ATOSA: variants seen among roughly 807,000 people sequenced by gnomAD.
ATOSA encodes atos homolog protein A.
At chr15:52,590,118 G>A in the ATOSA span, among the ~76,000 whole-genome samples, 2 of 151,986 alleles carry the variant, frequency 1.3e-5, no homozygotes, top group Non-Finnish European at 2.9e-5. Context: ...TGGAATAGTA[G>A]GGTTAAAATA....
chr15:52,706,844 T>A, the ATOSA span, among the ~76,000 whole-genome samples: 1 of 152,178 alleles, frequency 6.6e-6, no homozygotes, highest in African/African-American at 2.4e-5. Context: ...ATATTCAGAA[T>A]ACGCAAATCT....
At chr15:52,637,041 C>T in the ATOSA span, among the ~76,000 whole-genome samples, 1 of 152,110 alleles carries the variant, frequency 6.6e-6, no homozygotes, top group African/African-American at 2.4e-5. Flanking sequence ...ACTATCCAAC[C>T]ACCTTACTAA....
the ATOSA span, chr15:52,608,721 A>G: frequency 6.2e-7 from 1 of 1,612,432 alleles, no homozygotes; most frequent in South Asian, 1.1e-5. Flanking sequence ...TGAAACCTTC[A>G]TTATCTTTAT....
chr15:52,604,998 CA>C, the ATOSA span: 1 of 620,504 alleles, frequency 1.6e-6, no homozygotes, highest in Non-Finnish European at 2.7e-6. Flanking sequence ...AATGTGTTAT[CA>C]AAAAATAAAA....
chr15:52,598,869 G>C, the ATOSA span, among the ~76,000 whole-genome samples: 5 of 152,080 alleles, frequency 3.3e-5, no homozygotes, highest in African/African-American at 4.8e-5. Context: ...TTCTGTCCTT[G>C]CAACAGTAGG....
At chr15:52,645,628 A>C in the ATOSA span, among the ~76,000 whole-genome samples, 856 of 152,298 alleles carry the variant, frequency 5.6e-3, 5 homozygotes, top group Middle Eastern at 0.01. Context: ...TGGTTTCCTC[A>C]ATTCATTTCT....
At chr15:52,591,376 G>A in the ATOSA span, among the ~76,000 whole-genome samples, 32 of 152,236 alleles carry the variant, frequency 2.1e-4, no homozygotes, top group Admixed American at 1.4e-3. Flanking sequence ...GATTACAGGC[G>A]TGTGCCACCA....
the ATOSA span, among the ~76,000 whole-genome samples, chr15:52,697,992 T>TG: frequency 8.5e-6 from 1 of 117,836 alleles, no homozygotes; most frequent in Non-Finnish European, 1.7e-5. Flanking sequence ...TTTTTTTTTT[T>TG]GTGAGACAGA....
the ATOSA span, among the ~76,000 whole-genome samples, chr15:52,592,313 A>C: frequency 6.6e-6 from 1 of 152,198 alleles, no homozygotes; most frequent in African/African-American, 2.4e-5. Context: ...TGCATTTCTC[A>C]AAAGTAACAC....
chr15:52,594,478 T>C, the ATOSA span, among the ~76,000 whole-genome samples: 1 of 152,302 alleles, frequency 6.6e-6, no homozygotes, highest in East Asian at 1.9e-4. Context: ...TCATGAAATG[T>C]GAGTAGCATT....
chr15:52,679,409 C>A, the ATOSA span: 7 of 152,522 alleles, frequency 4.6e-5, no homozygotes, highest in African/African-American at 1.7e-4. Flanking sequence ...CGTGTCCCAA[C>A]AACAGCCAAC....
At chr15:52,617,799 AATTT>A in the ATOSA span, among the ~76,000 whole-genome samples, 11 of 148,506 alleles carry the variant, frequency 7.4e-5, no homozygotes, top group South Asian at 4.2e-4. Context: ...TAATTTATAT[AATTT>A]ATTACTAATT....
At chr15:52,600,973 AAAT>A in the ATOSA span, 5 of 722,578 alleles carry the variant, frequency 6.9e-6, 1 homozygote, top group South Asian at 8.7e-5. Context: ...ATCATACTCT[AAAT>A]AAGATTCCTG....
At chr15:52,600,744 A>G in the ATOSA span, among the ~76,000 whole-genome samples, 1 of 151,744 alleles carries the variant, frequency 6.6e-6, no homozygotes, top group African/African-American at 2.4e-5. Context: ...GTGACTAAAG[A>G]TTATAATCAG....
chr15:52,615,907 G>A, the ATOSA span, among the ~76,000 whole-genome samples: 23 of 152,312 alleles, frequency 1.5e-4, no homozygotes, highest in African/African-American at 5.5e-4. Context: ...GATAAATGAA[G>A]CATGGAGAGG....
chr15:52,593,563 A>G, the ATOSA span: 1 of 1,546,748 alleles, frequency 6.5e-7, no homozygotes, highest in Non-Finnish European at 8.7e-7. Flanking sequence ...AACATACAAT[A>G]TAAAAAATAC....
chr15:52,686,117 A>G, the ATOSA span, among the ~76,000 whole-genome samples: 43 of 152,216 alleles, frequency 2.8e-4, 1 homozygote, highest in Admixed American at 2.6e-3. Flanking sequence ...AGTGTGAGCT[A>G]TTTTTAGAAG....
At chr15:52,673,843 A>G in the ATOSA span, among the ~76,000 whole-genome samples, 1 of 152,228 alleles carries the variant, frequency 6.6e-6, no homozygotes. Flanking sequence ...ACAGGGTTGC[A>G]TTATGCTATA....
At chr15:52,608,954 T>C in the ATOSA span, 1 of 1,610,478 alleles carries the variant, frequency 6.2e-7, no homozygotes, top group Non-Finnish European at 8.5e-7. Flanking sequence ...TTATACTTAT[T>C]TGTACAAATC....
Sources: gnomAD v4.1 joint callset for allele counts (sites outside exome capture counted in the v4.1 genomes callset) on GRCh38, gnomAD v4.1.1 for gene constraint, MANE v1.5 for transcripts, NCBI Gene and HGNC (gene_info 2026-07-23, HGNC 2026-07-21) for gene names.